The following SERPINB8 variants were observed in gnomAD, a reference collection of about 807,000 sequenced individuals.
SERPINB8 encodes the protein serpin B8.
In SERPINB8, 25 loss-of-function variants were observed where a neutral mutation model predicts 35.3. The ratio of observed to expected loss-of-function variants is 0.71; its 90% CI spans 0.52 to 0.99. The LOEUF (loss-of-function observed/expected upper bound fraction) is 0.99. Among genes scored for constraint, SERPINB8 ranks in the 50% least tolerant of loss-of-function variants. The probability of loss-of-function intolerance (pLI) is 0.00; values close to 1 mark genes in which losing one functional copy is unlikely to be tolerated. For missense variants in SERPINB8, 484 were observed against 446.5 expected, an observed-to-expected ratio of 1.08 and a Z score of -0.76; for synonymous variants, 186 against 160.8, an observed-to-expected ratio of 1.16 and a Z score of -1.19.
intron 7 of SERPINB8, among the ~76,000 whole-genome samples, chr18:64,018,610 A>T (rs531008446): frequency 1.3e-5 from 2 of 152,290 alleles, no homozygotes; most frequent in African/African-American, 4.8e-5. Context: ...TTAATTCTTT[A>T]CTTTTGTTTA....
chr18:63,986,578 A>G (rs1380280993), intron 6 of SERPINB8: 2 of 1,314,724 alleles, frequency 1.5e-6, no homozygotes, highest in South Asian at 4.7e-5. Flanking sequence ...AATTTTCTAA[A>G]CTGTTAAAAA....
intron 1 of SERPINB8, among the ~76,000 whole-genome samples, chr18:63,977,519 G>T (rs933418372): frequency 6.6e-6 from 1 of 152,066 alleles, no homozygotes; most frequent in Non-Finnish European, 1.5e-5. Flanking sequence ...ATAGAGATGG[G>T]GTTTCACCTT....
chr18:63,978,525 C>T, intron 2 of SERPINB8, 49 bp downstream of exon 2: 1 of 1,593,706 alleles, frequency 6.3e-7, no homozygotes. Flanking sequence ...TTCCCTTGTG[C>T]TTCCATACAG....
intron 1 of SERPINB8, among the ~76,000 whole-genome samples, chr18:63,996,555 C>T (rs1007080460): frequency 2.6e-5 from 4 of 152,138 alleles, no homozygotes; most frequent in Admixed American, 2.6e-4. Flanking sequence ...CCCCACATAG[C>T]TGCCATCAAT....
intron 1 of SERPINB8, among the ~76,000 whole-genome samples, chr18:63,975,969 G>T (rs116957432): frequency 6.6e-6 from 1 of 152,180 alleles, no homozygotes; most frequent in African/African-American, 2.4e-5. Context: ...TTTGTAGGCC[G>T]CTGGGAAACT....
intron 7 of SERPINB8, among the ~76,000 whole-genome samples, chr18:64,016,101 G>A (rs903355798): frequency 6.6e-6 from 1 of 152,172 alleles, no homozygotes; most frequent in Non-Finnish European, 1.5e-5. Context: ...CCAGAAAGAG[G>A]GCTGGGAGTC....
rs1265863636 is a variant in SERPINB8 at position 63,979,938 on chromosome 18, A to T, written c.306A>T (p.Pro102=). Residue 102 remains proline, a splice_region_variant and synonymous_variant, in exon 3 of 7, where the codon CCA becomes CCT. Coordinates refer to ENST00000397985, the MANE Select transcript of SERPINB8 (RefSeq NM_002640.4). The part of the protein sequence containing the change: ...LFGEKTCDFL[P]DFKEYCQKFY... ...GAGAAAAGACGTGTGATTTCCTTCC[A>T]GTAAGTAGTATTCACATATTGATGA... The T allele has an allele frequency of 9.3e-6, 15 of 1,613,876 alleles. No individual in the cohort carries two copies. Among genetic ancestry groups the T allele is most frequent in the Non-Finnish European group, 1.3e-5 (15 of 1,179,900 alleles).
intron 1 of SERPINB8, among the ~76,000 whole-genome samples, chr18:64,003,266 G>A (rs1297847050): frequency 6.6e-6 from 1 of 152,132 alleles, no homozygotes; most frequent in Non-Finnish European, 1.5e-5. Flanking sequence ...CCTGGTAGAG[G>A]AGCTGCCAAT....
intron 1 of SERPINB8, among the ~76,000 whole-genome samples, chr18:63,998,497 G>T (rs1034358094): frequency 2.0e-5 from 3 of 152,154 alleles, no homozygotes; most frequent in African/African-American, 7.2e-5. Flanking sequence ...TGATGGAAAT[G>T]GACAATATAA....
intron 1 of SERPINB8, among the ~76,000 whole-genome samples, chr18:64,000,511 C>T (rs1206643398): frequency 1.3e-5 from 2 of 152,174 alleles, no homozygotes; most frequent in Admixed American, 6.5e-5. Flanking sequence ...TCCCACCAGA[C>T]TTCATAGCTA....
At chr18:63,998,015 G>A (rs1349465644) in intron 1 of SERPINB8, among the ~76,000 whole-genome samples, 1 of 152,208 alleles carries the variant, frequency 6.6e-6, no homozygotes, top group Non-Finnish European at 1.5e-5. Flanking sequence ...TGCCATCCTA[G>A]CCTGGATCTG....
At chr18:64,019,010 T>A (rs1045169808) in exon 8 of SERPINB8, 3 of 152,180 alleles carry the variant, frequency 2.0e-5, no homozygotes, top group African/African-American at 7.2e-5. Flanking sequence ...ACTGTCACAA[T>A]CTTTGTGCTG....
intron 1 of SERPINB8, among the ~76,000 whole-genome samples, chr18:63,973,787 A>G (rs1411949683): frequency 6.6e-6 from 1 of 152,216 alleles, no homozygotes; most frequent in Non-Finnish European, 1.5e-5. Flanking sequence ...GTCAAAGATC[A>G]GATGGTTGTA....
intron 1 of SERPINB8, among the ~76,000 whole-genome samples, chr18:63,997,222 G>A (rs2050854257): frequency 6.6e-6 from 1 of 152,254 alleles, no homozygotes; most frequent in Non-Finnish European, 1.5e-5. Flanking sequence ...AGATATGCAT[G>A]AGTACGTGAC....
At position 63,987,512 on chromosome 18, in the gene SERPINB8, T is replaced by C. The variant is rs1201755205; in HGVS notation, c.*234T>C. The C allele has an allele frequency of 9.8e-6, 5 of 512,158 alleles. No individual in the cohort carries two copies. The East Asian group carries it at 9.8e-5, about 10-fold the overall frequency. 31.7% of individuals were successfully genotyped at this position (512,158 alleles called of 1,614,324 possible). A position where few individuals can be genotyped will look rare whatever the true frequency, so the allele number is the denominator to read the frequency against. On this transcript the variant is annotated 3_prime_UTR_variant, in exon 7 of 7. Transcript: ENST00000397985. ...CTGGTTTTGGAGTGTTTGGGGTGCCTGCCATTGCCTCTGCCTTCACCTAAG... is the reference window on the plus strand; with the variant it reads ...CTGGTTTTGGAGTGTTTGGGGTGCCCGCCATTGCCTCTGCCTTCACCTAAG...
intron 1 of SERPINB8, among the ~76,000 whole-genome samples, chr18:63,975,845 C>T (rs533329479): frequency 6.6e-6 from 1 of 152,166 alleles, no homozygotes; most frequent in African/African-American, 2.4e-5. Flanking sequence ...TTGTTCCCCA[C>T]TTCCTTGTCT....
intron 1 of SERPINB8, among the ~76,000 whole-genome samples, chr18:63,971,605 A>C (rs1437242325): frequency 6.6e-6 from 1 of 151,910 alleles, no homozygotes; most frequent in Non-Finnish European, 1.5e-5. Context: ...TCCAGCCCCC[A>C]CTTCTCTATT....
At chr18:64,007,922 A>G (rs796544506), downstream of SERPINB8, among the ~76,000 whole-genome samples, 132 of 152,360 alleles carry the variant, frequency 8.7e-4, 1 homozygote, top group African/African-American at 3.0e-3. Flanking sequence ...ACAAGAACAG[A>G]ACATCAAAAG....
At chr18:63,978,184 T>C in intron 1 of SERPINB8, 115 bp from the exon 2 acceptor site, 1 of 1,053,906 alleles carries the variant, frequency 9.5e-7, no homozygotes, top group Non-Finnish European at 1.4e-6. Flanking sequence ...TGGAAGTCTT[T>C]GGAGGGTGGT....
Sources: gnomAD v4.1 joint callset for allele counts (sites outside exome capture counted in the v4.1 genomes callset) on GRCh38, gnomAD v4.1.1 for gene constraint, MANE v1.5 for transcripts, NCBI Gene and HGNC (gene_info 2026-07-23, HGNC 2026-07-21) for gene names.